Variants in DSP observed in about 807,000 individuals in gnomAD.
DSP encodes the protein desmoplakin, also known as 250/210 kDa paraneoplastic pemphigus antigen.
DSP carries 114 observed loss-of-function variants against 290.6 expected under a neutral mutation model. That is an observed-to-expected ratio of 0.39 (90% CI 0.34 to 0.46). DSP has a LOEUF of 0.46. Among genes scored for constraint, DSP ranks in the 20% least tolerant of loss-of-function variants. DSP has a pLI of 0.99. For missense variants in DSP, 3,230 were observed against 3,495.8 expected, an observed-to-expected ratio of 0.92 and a Z score of 1.92; for synonymous variants, 1,311 against 1,316.4, an observed-to-expected ratio of 1.00 and a Z score of 0.09.
At position 7,583,629 on chromosome 6, in the gene DSP, C is replaced by A. The variant is rs372242085; in HGVS notation, c.6367C>A (p.Arg2123Ser). The change falls in exon 24 of 24, where the codon CGC becomes AGC. Residue 2123 changes from arginine to serine, a missense_variant. This residue lies in a region of DSP where 1,714 missense variants were observed against 1,844.5 expected (regional missense o/e 0.93). Transcript: ENST00000379802. This position sits in a 1 kb window ranked among gnomAD's most constrained non-coding sequence, Gnocchi z 4.0. ...KNLIDRETGMRLLEAQIASGG... is the reference protein window; with the variant it reads ...KNLIDRETGMSLLEAQIASGG... ...TTTGATTGATAGAGAAACCGGAATGCGCCTGCTGGAAGCCCAGATTGCTTC... is the reference window on the plus strand; with the variant it reads ...TTTGATTGATAGAGAAACCGGAATGAGCCTGCTGGAAGCCCAGATTGCTTC... 1.1e-5 allele frequency: 18 copies of A among 1,614,116 alleles called. No homozygotes were observed. In the South Asian group the frequency reaches 2.0e-4, roughly 18 times the overall value.
At position 7,582,768 on chromosome 6, in the gene DSP, C is replaced by G. The variant is rs1355197991; in HGVS notation, c.5506C>G (p.Leu1836Val). 1 of 1,613,892 alleles carries G rather than the reference C, an allele frequency of 6.2e-7. No individual in the cohort carries two copies. The highest frequency in any genetic ancestry group is 8.5e-7 in the Non-Finnish European group (1 of 1,179,916). Residue 1836 changes from leucine (L) to valine (V), a missense_variant, in exon 24 of 24, where the codon CTG becomes GTG. Leu to Val is a conservative substitution (Grantham distance 32). Transcript: ENST00000379802. This position sits in a 1 kb window ranked among gnomAD's most constrained non-coding sequence, Gnocchi z 4.2. ...AAGGCTGCAGAGGCTGGAGGATGAGCTGAATCGTGCAAAATCAACTCTAGA... is the reference window on the plus strand; with the variant it reads ...AAGGCTGCAGAGGCTGGAGGATGAGGTGAATCGTGCAAAATCAACTCTAGA... ...KARLQRLEDE[L>V]NRAKSTLEAE...
chr6:7,564,300 ACACT>A (rs1758792690), intron 6 of DSP, among the ~76,000 whole-genome samples: 1 of 152,242 alleles, frequency 6.6e-6, no homozygotes, highest in Admixed American at 6.5e-5. Flanking sequence ...CAATTTTATG[ACACT>A]CAGTCATATC....
rs746773800 is a variant in DSP at position 7,585,742 on chromosome 6, C to G, written c.8480C>G (p.Ser2827Cys). ...ATGTCTTCGGCTCCGGGGTCCCGCT[C>G]CGGCTCCCGCTCGGGATCTCGCTCC... Reference protein sequence around the residue: ...YNMSSAPGSRSGSRSGSRSGS... With the variant: ...YNMSSAPGSRCGSRSGSRSGS... Residue 2827 changes from serine to cysteine, a missense_variant, in exon 24 of 24, where the codon TCC (serine) becomes TGC (cysteine). Coordinates refer to ENST00000379802, the MANE Select transcript of DSP (RefSeq NM_004415.4). The G allele has an allele frequency of 6.2e-7, 1 of 1,609,940 alleles. No homozygotes were observed. The highest frequency in any genetic ancestry group is 1.7e-5 in the Admixed American group (1 of 59,464).
At chr6:7,542,241 G>A (rs767909338) in intron 1 of DSP, among the ~76,000 whole-genome samples, 156 bp downstream of exon 1, 1 of 151,854 alleles carries the variant, frequency 6.6e-6, no homozygotes, top group Non-Finnish European at 1.5e-5. Flanking sequence ...GAGCAGGACC[G>A]GGTGTCCTGA....
At position 7,580,705 on chromosome 6, in the gene DSP, G is replaced by C. The variant is rs193197554; in HGVS notation, c.4515G>C (p.Ala1505=). 1.0e-4 allele frequency: 162 copies of C among 1,613,928 alleles called. No homozygotes were observed. The highest frequency in any genetic ancestry group is 8.5e-6 in the Non-Finnish European group (10 of 1,180,040). The change falls in exon 23 of 24, where the codon GCG becomes GCC. Residue 1505 remains alanine, a synonymous_variant. Transcript: ENST00000379802. This position sits in a 1 kb window ranked among gnomAD's most constrained non-coding sequence, Gnocchi z 4.2. ...GGAAATGCCTGGAAGATGAAAACGC[G>C]AGATTACAAAGGGTCCAGTATGACC... ...NDRKCLEDEN[A]RLQRVQYDLQ...
Position 7,569,306 on chromosome 6 carries a change from C to T in DSP, c.1540C>T (p.Pro514Ser), listed in dbSNP as rs781137638. ...LVPSVGLIIP[P>S]PNPLAVDLSC... The stretch of plus-strand genomic sequence containing the variant: ...TCCCTCTGTGGGGCTGATCATCCCT[C>T]CTCCGAACCCACTGGCCGTGGACCT... Residue 514 changes from proline (P) to serine (S), a missense_variant, in exon 12 of 24, where the codon CCT becomes TCT. Physicochemically the swap from Pro to Ser is moderately conservative, Grantham distance 74. This residue lies in a region of DSP where 646 missense variants were observed against 684.3 expected (regional missense o/e 0.94). Transcript: ENST00000379802. The T allele has an allele frequency of 1.2e-6, 2 of 1,614,074 alleles. No individual in the cohort carries two copies. The highest frequency in any genetic ancestry group is 8.5e-7 in the Non-Finnish European group (1 of 1,179,956).
In DSP at chr6:7,584,137, T is replaced by C; in HGVS notation, c.6875T>C (p.Leu2292Pro). ...LVRPGTALEL[L>P]EAQAATGFIV... ...CGACCTGGTACTGCTCTGGAGTTGCTGGAAGCCCAAGCAGCTACTGGCTTT... is the reference window on the plus strand; with the variant it reads ...CGACCTGGTACTGCTCTGGAGTTGCCGGAAGCCCAAGCAGCTACTGGCTTT... The change falls in exon 24 of 24, where the codon CTG becomes CCG. Residue 2292 changes from leucine (L) to proline (P), a missense_variant. Coordinates refer to ENST00000379802, the MANE Select transcript of DSP (RefSeq NM_004415.4). The surrounding 1 kb of genome is among the most constrained non-coding windows in gnomAD (Gnocchi z 6.4). The C allele has an allele frequency of 6.2e-7, 1 of 1,614,204 alleles. No individual in the cohort carries two copies. The highest frequency in any genetic ancestry group is 8.5e-7 in the Non-Finnish European group (1 of 1,180,040).
intron 15 of DSP, among the ~76,000 whole-genome samples, chr6:7,573,577 C>CAA (rs1328883654): frequency 9.4e-5 from 8 of 84,768 alleles, no homozygotes; most frequent in African/African-American, 2.8e-4. Flanking sequence ...GACTCTGTCT[C>CAA]AAAAAAAAAA....
intron 1 of DSP, among the ~76,000 whole-genome samples, chr6:7,550,058 G>C (rs1284833516): frequency 2.0e-5 from 3 of 151,180 alleles, no homozygotes; most frequent in Non-Finnish European, 4.4e-5. Context: ...ATTTTTTTAA[G>C]ACAAGGTCTT....
chr6:7,566,523 A>G, intron 8 of DSP, 42 bp downstream of exon 8: 1 of 1,519,676 alleles, frequency 6.6e-7, no homozygotes, highest in Non-Finnish European at 9.1e-7. Context: ...AAAAAAAAAA[A>G]CTTTTCATAA....
chr6:7,573,057 A>G (rs1581807441), intron 15 of DSP, among the ~76,000 whole-genome samples: 2 of 152,140 alleles, frequency 1.3e-5, no homozygotes, highest in East Asian at 1.9e-4. Context: ...GCAGGGAGCT[A>G]TGATTGTACC....
intron 12 of DSP, 104 bp downstream of exon 12, chr6:7,569,444 C>T (rs1406601955): frequency 6.5e-7 from 1 of 1,540,160 alleles, no homozygotes; most frequent in African/African-American, 1.4e-5. Flanking sequence ...GATGCCTTGC[C>T]ATAATAAACA....
chr6:7,574,838 A>G, intron 17 of DSP, 43 bp downstream of exon 17: 1 of 1,613,904 alleles, frequency 6.2e-7, no homozygotes, highest in Non-Finnish European at 8.5e-7. Flanking sequence ...TACAGGAACT[A>G]ATTCAGATCT....
Position 7,584,376 on chromosome 6 carries a change from A to G in DSP, c.7114A>G (p.Ile2372Val). 1 of 1,614,148 alleles carries G rather than the reference A, an allele frequency of 6.2e-7. No individual in the cohort carries two copies. Residue 2372 changes from isoleucine to valine, a missense_variant, in exon 24 of 24, where the codon ATC (isoleucine) becomes GTC (valine). Physicochemically the swap from Ile to Val is conservative, Grantham distance 29. This residue lies in a region of DSP where 207 missense variants were observed against 281.2 expected (regional missense o/e 0.74). Transcript: ENST00000379802. The surrounding 1 kb of genome is among the most constrained non-coding windows in gnomAD (Gnocchi z 6.4). ...CGGTATTCGCTTATTAGAAGCACAG[A>G]TCGCAACCGGGGGGATCATTGACCC... The part of the protein sequence containing the change: ...GHGIRLLEAQ[I>V]ATGGIIDPKE...
chr6:7,558,046 T>A, intron 2 of DSP, 70 bp from the exon 3 acceptor site: 1 of 1,583,306 alleles, frequency 6.3e-7, no homozygotes, highest in Non-Finnish European at 8.7e-7. Context: ...AGCTCTTGCT[T>A]CCATTAATGC....
At chr6:7,559,757 T>C (rs1418377944) in intron 4 of DSP, among the ~76,000 whole-genome samples, 1 of 152,224 alleles carries the variant, frequency 6.6e-6, no homozygotes, top group African/African-American at 2.4e-5. Flanking sequence ...TTGTTCTATG[T>C]GAGTGGCAAC....
At chr6:7,563,829 T>A in intron 6 of DSP, 43 bp downstream of exon 6, 5 of 1,566,706 alleles carry the variant, frequency 3.2e-6, no homozygotes, top group Non-Finnish European at 4.4e-6. Context: ...TTCTGTTGTT[T>A]CCAATTCAAT....
At chr6:7,581,909 T>C (rs978705405) in intron 23 of DSP, among the ~76,000 whole-genome samples, 3 of 152,156 alleles carry the variant, frequency 2.0e-5, no homozygotes, top group Non-Finnish European at 4.4e-5. Flanking sequence ...GACATACATT[T>C]GTAATGAAAA....
chr6:7,566,341 C>A, intron 7 of DSP, 36 bp from the exon 8 acceptor site: 1 of 1,559,054 alleles, frequency 6.4e-7, no homozygotes, highest in Non-Finnish European at 8.8e-7. Flanking sequence ...TTAATGATGA[C>A]TTGCTGCAAA....
Sources: gnomAD v4.1 joint callset for allele counts (sites outside exome capture counted in the v4.1 genomes callset) on GRCh38, gnomAD v4.1.1 for gene constraint, gnomAD v4.1.1 regional missense constraint, Gnocchi (gnomAD v3.1) non-coding constraint, MANE v1.5 for transcripts, NCBI Gene and HGNC (gene_info 2026-07-23, HGNC 2026-07-21) for gene names.